Variants in SOX6 observed in about 807,000 individuals in gnomAD.
SOX6 encodes the protein transcription factor SOX-6.
A neutral mutation model predicts 97.8 loss-of-function variants in SOX6; 11 were observed. That is an observed-to-expected ratio of 0.11 (90% CI 0.07 to 0.19). The LOEUF (loss-of-function observed/expected upper bound fraction) is 0.19. Ranked by LOEUF, SOX6 falls within the 10% of genes least tolerant of loss-of-function variation. The pLI is 1.00. For missense variants in SOX6, 810 were observed against 1,039.5 expected (o/e 0.78, Z 3.04); for synonymous variants, 360 against 371.4 (o/e 0.97, Z 0.35).
At chr11:16,710,975 T>TA (rs770345717) in intron 3 of SOX6, among the ~76,000 whole-genome samples, 11 of 152,206 alleles carry the variant, frequency 7.2e-5, no homozygotes, top group Non-Finnish European at 1.5e-4. Context: ...GCCAGAAACC[T>TA]AAGAGCCATC....
At chr11:16,587,800 G>C (rs1392434077) in intron 4 of SOX6, among the ~76,000 whole-genome samples, 3 of 152,148 alleles carry the variant, frequency 2.0e-5, no homozygotes, top group Non-Finnish European at 4.4e-5. Flanking sequence ...TTCAAAGACA[G>C]CCAACTCTGC....
intron 3 of SOX6, among the ~76,000 whole-genome samples, chr11:16,687,600 T>C (rs1847979282): frequency 6.6e-6 from 1 of 152,228 alleles, no homozygotes; most frequent in Admixed American, 6.5e-5. Flanking sequence ...CTTTAGCTTT[T>C]ATGTGCATAA....
At chr11:16,331,142 C>A (rs1265066069) in intron 2 of SOX6, among the ~76,000 whole-genome samples, 1 of 152,148 alleles carries the variant, frequency 6.6e-6, no homozygotes, top group Non-Finnish European at 1.5e-5. Flanking sequence ...TCCTCCTCTG[C>A]AGTTGTTTTC....
Position 16,234,636 on chromosome 11 carries a change from A to C in SOX6, c.481T>G (p.Trp161Gly). The change falls in exon 4 of 16, where the codon TGG (tryptophan) becomes GGG (glycine). Residue 161 changes from tryptophan to glycine, a missense_variant. By Grantham distance (184) the Trp-to-Gly change is radical. Transcript: ENST00000683767. Reference sequence around the variant, plus strand: ...TTTAGTCTTTCCATTTTTTCCTTCCAATCTTTTGAAAGTAGTTTTTCCATG... The same window carrying C: ...TTTAGTCTTTCCATTTTTTCCTTCCCATCTTTTGAAAGTAGTTTTTCCATG... ...SCMEKLLSKD[W>G]KEKMERLNTS... is the part of the protein sequence containing the mutation. 2 of 1,597,850 alleles carry C rather than the reference A, an allele frequency of 1.3e-6. No individual in the cohort carries two copies. Among genetic ancestry groups the C allele is most frequent in the Non-Finnish European group, 1.7e-6 (2 of 1,168,530 alleles).
At chr11:16,401,466 G>C (rs1242903881) in intron 1 of SOX6, among the ~76,000 whole-genome samples, 3 of 151,464 alleles carry the variant, frequency 2.0e-5, no homozygotes, top group Non-Finnish European at 4.4e-5. Context: ...AAAATGACCA[G>C]TAAACAAGTT....
chr11:16,055,452 A>G (rs187973184), intron 10 of SOX6, among the ~76,000 whole-genome samples: 1 of 152,292 alleles, frequency 6.6e-6, no homozygotes, highest in Admixed American at 6.5e-5. Context: ...AAGACTGGCA[A>G]TAAAGTCATG....
chr11:16,584,852 A>C (rs1589995644), intron 4 of SOX6, among the ~76,000 whole-genome samples: 1 of 152,324 alleles, frequency 6.6e-6, no homozygotes, highest in African/African-American at 2.4e-5. Context: ...GCCAGGCTGC[A>C]CCTAGGCCTG....
At chr11:16,424,213 G>T (rs1045356359) in intron 1 of SOX6, among the ~76,000 whole-genome samples, 1 of 152,126 alleles carries the variant, frequency 6.6e-6, no homozygotes, top group Non-Finnish European at 1.5e-5. Flanking sequence ...AGGAAATAAG[G>T]ATATTTCAAG....
chr11:16,572,216 T>C lies in SOX6; in HGVS notation n.609+39865A>G, dbSNP rs191967230. ...AACTAAAATACTGAGAAGATATGCATTTTAACATATTATTTATTTACTTAA... is the reference window on the plus strand; with the variant it reads ...AACTAAAATACTGAGAAGATATGCACTTTAACATATTATTTATTTACTTAA... On this transcript the variant is annotated intron_variant and non_coding_transcript_variant, in intron 4 of 5. Coordinates refer to the SOX6 transcript ENST00000524520. 5.5e-4 allele frequency among the ~76,000 whole-genome samples: 84 copies of C among 152,298 alleles called. No homozygotes were observed. In the East Asian group the frequency reaches 0.012, roughly 22 times the overall value.
At position 16,261,706 on chromosome 11, in the gene SOX6, C is replaced by T. The variant is rs567664057; in HGVS notation, c.446-27035G>A. ...ATGCAGTCTAGGTCAGACCATTAGT[C>T]TTTAGAAGAATCATTTCTGTCAGAG... On this transcript the variant is annotated intron_variant, in intron 3 of 15. Coordinates refer to ENST00000683767, the MANE Select transcript of SOX6 (RefSeq NM_001367873.1). 1.3e-3 allele frequency among the ~76,000 whole-genome samples: 204 copies of T among 151,924 alleles called. 1 individual carries two copies. The Middle Eastern group carries it at 0.014, about 10-fold the overall frequency.
chr11:16,151,885 C>T lies in SOX6; in HGVS notation c.777+32001G>A, dbSNP rs546767110. ...ATAACCAACTGCAACTGCTAAATAA[C>T]AAATTCAAGCAATGCCTTAATTTTG... On this transcript the variant is annotated intron_variant, in intron 6 of 15. Coordinates refer to ENST00000683767, the MANE Select transcript of SOX6 (RefSeq NM_001367873.1). Among the ~76,000 whole-genome samples the T allele has an allele frequency of 1.8e-4, 28 of 152,244 alleles. No individual in the cohort carries two copies. In the Middle Eastern group the frequency reaches 0.014, roughly 74 times the overall value.
At chr11:16,531,009 C>CCT (rs1245523050) in intron 4 of SOX6, among the ~76,000 whole-genome samples, 1 of 143,770 alleles carries the variant, frequency 7.0e-6, no homozygotes, top group African/African-American at 2.6e-5. Context: ...TATATATATT[C>CCT]CTCTATATAT....
At chr11:16,501,847 C>G (rs942736823) in intron 4 of SOX6, among the ~76,000 whole-genome samples, 1 of 152,180 alleles carries the variant, frequency 6.6e-6, no homozygotes, top group East Asian at 1.9e-4. Context: ...AATAGAAACA[C>G]TTTTACACTG....
At chr11:16,204,125 AAAC>A (rs1309048713) in intron 4 of SOX6, among the ~76,000 whole-genome samples, 1 of 152,060 alleles carries the variant, frequency 6.6e-6, no homozygotes, top group East Asian at 1.9e-4. Context: ...ATTAAAAAAA[AAAC>A]ACCACTTTTT....
At chr11:16,584,604 T>C (rs1028163149) in intron 4 of SOX6, among the ~76,000 whole-genome samples, 24 of 152,198 alleles carry the variant, frequency 1.6e-4, no homozygotes, top group African/African-American at 5.8e-4. Context: ...CCTATTGTCA[T>C]GAGGCAAACC....
At chr11:16,715,389 T>G (rs1848212954) in intron 2 of SOX6, among the ~76,000 whole-genome samples, 1 of 152,320 alleles carries the variant, frequency 6.6e-6, no homozygotes, top group Non-Finnish European at 1.5e-5. Context: ...ACATATGTGA[T>G]TCACATTTGT....
chr11:16,348,435 G>A (rs1856825693), intron 1 of SOX6, among the ~76,000 whole-genome samples: 1 of 152,082 alleles, frequency 6.6e-6, no homozygotes, highest in Non-Finnish European at 1.5e-5. Flanking sequence ...TTTTTCAACA[G>A]AGGAAACACA....
intron 3 of SOX6, among the ~76,000 whole-genome samples, chr11:16,671,110 G>C (rs933241962): frequency 5.9e-5 from 9 of 152,156 alleles, no homozygotes; most frequent in Non-Finnish European, 1.0e-4. Flanking sequence ...CAAAGCCTCA[G>C]CCCTGTGAAA....
Position 16,116,769 on chromosome 11 carries a change from G to A in SOX6, c.778-4846C>T, listed in dbSNP as rs1027255035. Among the ~76,000 whole-genome samples, 10 of 152,118 alleles carry A rather than the reference G, an allele frequency of 6.6e-5. No individual in the cohort carries two copies. In the East Asian group the frequency reaches 7.7e-4, roughly 12 times the overall value. On this transcript the variant is annotated intron_variant, in intron 6 of 15. Transcript: ENST00000683767. ...GACCACATAGCAGGAGGTAAGCAGCGGGCAAGCAAGTATTACCGCCTGAGC... is the reference window on the plus strand; with the variant it reads ...GACCACATAGCAGGAGGTAAGCAGCAGGCAAGCAAGTATTACCGCCTGAGC...
Sources: gnomAD v4.1 joint callset for allele counts (sites outside exome capture counted in the v4.1 genomes callset) on GRCh38, gnomAD v4.1.1 for gene constraint, MANE v1.5 for transcripts, NCBI Gene and HGNC (gene_info 2026-07-23, HGNC 2026-07-21) for gene names.